The following MIGA1 variants were observed in gnomAD, a reference collection of about 807,000 sequenced individuals.
The protein encoded by MIGA1 is family with sequence similarity 73, member A.
In MIGA1, 58 loss-of-function variants were observed where a neutral mutation model predicts 82.0. The observed-to-expected ratio is 0.71, with a 90% confidence interval of 0.57 to 0.88. MIGA1 has a LOEUF of 0.88. Ranked by LOEUF, MIGA1 falls within the 40% of genes least tolerant of loss-of-function variation. MIGA1 has a pLI of 0.00. For synonymous variants in MIGA1, 249 were observed against 253.6 expected, an observed-to-expected ratio of 0.98 and a Z score of 0.17; for missense variants, 751 against 749.1, an observed-to-expected ratio of 1.00 and a Z score of -0.03.
intron 2 of MIGA1, among the ~76,000 whole-genome samples, chr1:77,796,122 ATTT>A (rs1231574032): frequency 7.0e-6 from 1 of 142,906 alleles, no homozygotes. Context: ...ATTCAACTTA[ATTT>A]TTTTTTTTTT....
In MIGA1 at chr1:77,783,264, A is replaced by C. The variant is rs375090072; in HGVS notation, c.108A>C (p.Glu36Asp). The C allele has an allele frequency of 8.2e-6, 13 of 1,592,522 alleles. No individual in the cohort carries two copies. The African/African-American group carries it at 1.6e-4, about 20-fold the overall frequency. The change falls in exon 2 of 16, where the codon GAA becomes GAC. Residue 36 changes from glutamate (E) to aspartate (D), a missense_variant. Physicochemically the swap from Glu to Asp is conservative, Grantham distance 45. This residue lies in a region of MIGA1 where 482 missense variants were observed against 439.4 expected (regional missense o/e 1.10). Transcript: ENST00000370791. ...TTAGAAGAGGAGCCATGTCAGAAGA[A>C]ACAGTAAGTGAATCACAGTTTTCCT...
At chr1:77,788,251 C>T (rs2101697786) in intron 2 of MIGA1, among the ~76,000 whole-genome samples, 1 of 152,270 alleles carries the variant, frequency 6.6e-6, no homozygotes, top group East Asian at 1.9e-4. Flanking sequence ...GATCCGCCTG[C>T]CTTGGCCTCC....
chr1:77,801,345 G>T lies in MIGA1; in HGVS notation c.210G>T (p.Pro70=). 4 of 1,536,380 alleles carry T rather than the reference G, an allele frequency of 2.6e-6. No homozygotes were observed. The highest frequency in any genetic ancestry group is 8.7e-7 in the Non-Finnish European group (1 of 1,150,838). The change falls in exon 3 of 16, where the codon CCG becomes CCT. Residue 70 remains proline (P), a synonymous_variant. Coordinates refer to ENST00000370791, the MANE Select transcript of MIGA1 (RefSeq NM_198549.4). ...ATCTTTTCCAGATCAAATTTTCTCCGGTGGCTAAAAAGTTGTTTGTGGTAA... is the reference window on the plus strand; with the variant it reads ...ATCTTTTCCAGATCAAATTTTCTCCTGTGGCTAAAAAGTTGTTTGTGGTAA...
In MIGA1 at chr1:77,840,121, T is replaced by C. The variant is rs548933467; in HGVS notation, c.896-3186T>C. On this transcript the variant is annotated intron_variant, in intron 7 of 15. Coordinates refer to ENST00000370791, the MANE Select transcript of MIGA1 (RefSeq NM_198549.4). ...AGTTTGGGATATTGCCCAAGATTCT[T>C]TCTTTGTACTTTTTATTGTCGTATC... Among the ~76,000 whole-genome samples the C allele has an allele frequency of 7.2e-5, 11 of 152,336 alleles. No homozygotes were observed. The East Asian group carries it at 7.7e-4, about 11-fold the overall frequency.
chr1:77,829,607 T>C (rs1162334301), intron 7 of MIGA1, among the ~76,000 whole-genome samples: 1 of 151,864 alleles, frequency 6.6e-6, no homozygotes, highest in Non-Finnish European at 1.5e-5. Flanking sequence ...TAGCTGGGAG[T>C]ACAGGCACCT....
chr1:77,806,600 CAG>C (rs1330833631), intron 4 of MIGA1, among the ~76,000 whole-genome samples: 1 of 152,128 alleles, frequency 6.6e-6, no homozygotes, highest in Non-Finnish European at 1.5e-5. Flanking sequence ...TATCATTTAG[CAG>C]AGAGTCAGCA....
rs1170657797 is a variant in MIGA1, at chr1:77,878,394, C to CAAAAAAAAAAAAAAA, written c.*3343_*3357dup. 2.5e-4 allele frequency: 9 copies of CAAAAAAAAAAAAAAA among 35,578 alleles called. No individual in the cohort carries two copies. Among genetic ancestry groups the CAAAAAAAAAAAAAAA allele is most frequent in the Admixed American group, 4.3e-4 (1 of 2,312 alleles). The allele number at this position is 35,578 out of a possible 1,614,324, so 2.2% of individuals were successfully genotyped here. ...GGGCAACAAGAGTAAAACTCTGTCT[C>CAAAAAAAAAAAAAAA]AAAAAAAAAAAAAAAAAAAAAAAAA... On this transcript the variant is annotated 3_prime_UTR_variant, in exon 16 of 16. Coordinates refer to ENST00000370791, the MANE Select transcript of MIGA1 (RefSeq NM_198549.4).
chr1:77,824,983 C>CTT (rs11375207), intron 7 of MIGA1, among the ~76,000 whole-genome samples: 5,583 of 102,814 alleles, frequency 0.054, 326 homozygotes, highest in Admixed American at 0.16. Context: ...TTCTATTCCT[C>CTT]TTTTTTTTTT....
intron 10 of MIGA1, chr1:77,859,722 AT>A: frequency 2.7e-6 from 1 of 370,320 alleles, no homozygotes; most frequent in South Asian, 6.4e-5. Flanking sequence ...CAATTATAAA[AT>A]TGATTTTCTA....
At chr1:77,843,511 C>A in intron 8 of MIGA1, 104 bp downstream of exon 8, 1 of 829,814 alleles carries the variant, frequency 1.2e-6, no homozygotes, top group Admixed American at 2.2e-5. Context: ...TTATTTAGCA[C>A]GTACCATGTG....
chr1:77,821,953 G>T (rs977012270), intron 7 of MIGA1, among the ~76,000 whole-genome samples: 2 of 152,246 alleles, frequency 1.3e-5, no homozygotes, highest in African/African-American at 4.8e-5. Context: ...GAGATCTAAT[G>T]TATAGCATGG....
At chr1:77,847,055 A>G (rs374665230) in intron 8 of MIGA1, 4 of 742,624 alleles carry the variant, frequency 5.4e-6, no homozygotes, top group Non-Finnish European at 9.9e-6. Flanking sequence ...TATTTATAGC[A>G]ATCCAGAAAC....
At chr1:77,857,686 A>T (rs1251790087) in intron 8 of MIGA1, among the ~76,000 whole-genome samples, 1 of 150,800 alleles carries the variant, frequency 6.6e-6, no homozygotes, top group African/African-American at 2.5e-5. Flanking sequence ...TCTTCCAAAC[A>T]AAACACTCTA....
At chr1:77,811,925 C>G in intron 5 of MIGA1, 1 of 1,421,802 alleles carries the variant, frequency 7.0e-7, no homozygotes, top group African/African-American at 1.4e-5. Context: ...AGGAGCCGCC[C>G]AAGCCCATTT....
chr1:77,825,672 G>A (rs563544823), intron 7 of MIGA1, among the ~76,000 whole-genome samples: 1 of 152,146 alleles, frequency 6.6e-6, no homozygotes, highest in Non-Finnish European at 1.5e-5. Context: ...AGTTCTTCTA[G>A]CTAAAAGTAT....
chr1:77,874,353 A>AT (rs1646877178), intron 15 of MIGA1, among the ~76,000 whole-genome samples: 1 of 151,984 alleles, frequency 6.6e-6, no homozygotes, highest in Non-Finnish European at 1.5e-5. Flanking sequence ...TCTTGTACAA[A>AT]AAAAAAAAGC....
intron 2 of MIGA1, among the ~76,000 whole-genome samples, chr1:77,790,353 G>A (rs1215127650): frequency 6.6e-6 from 1 of 152,088 alleles, no homozygotes; most frequent in Non-Finnish European, 1.5e-5. Flanking sequence ...TGCAAGCTCC[G>A]CCTCCCGGGT....
At chr1:77,851,710 A>G (rs1401403341) in intron 8 of MIGA1, among the ~76,000 whole-genome samples, 2 of 152,032 alleles carry the variant, frequency 1.3e-5, no homozygotes, top group African/African-American at 4.8e-5. Context: ...GTCTTATTTT[A>G]GGAGGCTTCT....
At chr1:77,850,790 T>C (rs914988026) in intron 8 of MIGA1, among the ~76,000 whole-genome samples, 3 of 152,208 alleles carry the variant, frequency 2.0e-5, no homozygotes, top group African/African-American at 7.2e-5. Flanking sequence ...TTGCTTCATA[T>C]GTGGGAATTA....
Sources: gnomAD v4.1 joint callset for allele counts (sites outside exome capture counted in the v4.1 genomes callset) on GRCh38, gnomAD v4.1.1 for gene constraint, gnomAD v4.1.1 regional missense constraint, MANE v1.5 for transcripts, NCBI Gene and HGNC (gene_info 2026-07-23, HGNC 2026-07-21) for gene names.